ZNF136: variants seen among roughly 807,000 people sequenced by gnomAD.
ZNF136 encodes the protein zinc finger protein 136.
Under a neutral mutation model 11.4 loss-of-function variants are expected in ZNF136, and 8 were observed. That is an observed-to-expected ratio of 0.70 (90% CI 0.41 to 1.27). The LOEUF (loss-of-function observed/expected upper bound fraction) is 1.27. Among genes scored for constraint, ZNF136 ranks in the 50% most tolerant of loss-of-function variants. ZNF136 has a pLI of 0.01. For missense variants in ZNF136, 590 were observed against 656.5 expected (o/e 0.90, Z 1.11); for synonymous variants, 190 against 207.1 (o/e 0.92, Z 0.71).
intron 1 of ZNF136, among the ~76,000 whole-genome samples, chr19:12,177,123 A>G (rs1000726243): frequency 1.3e-5 from 2 of 152,216 alleles, no homozygotes; most frequent in African/African-American, 4.8e-5. Flanking sequence ...CACCATCAGT[A>G]TGATGTTATA....
chr19:12,166,496 G>C (rs532179251), intron 1 of ZNF136, among the ~76,000 whole-genome samples: 2 of 152,294 alleles, frequency 1.3e-5, no homozygotes, highest in African/African-American at 4.8e-5. Flanking sequence ...GAATTACAAA[G>C]ATTCACCAAA....
chr19:12,173,015 A>G (rs1291582279), intron 1 of ZNF136, among the ~76,000 whole-genome samples: 1 of 152,144 alleles, frequency 6.6e-6, no homozygotes, highest in Non-Finnish European at 1.5e-5. Flanking sequence ...CATCTCAAAA[A>G]AAAACAAAAA....
Position 12,187,990 on chromosome 19 carries a change from G to A in ZNF136, c.1612G>A (p.Glu538Lys). The stretch of plus-strand genomic sequence containing the variant: ...TGGACCACCTTATAAATGCATGTGG[G>A]AAAGCCTTTAATGCTCTGGGTTCAT... Reference protein sequence around the residue: ...EDGPPYKCMWESL With the variant: ...EDGPPYKCMWKSL Residue 538 changes from glutamate (E) to lysine (K), a missense_variant, in exon 4 of 4, where the codon GAA (glutamate) becomes AAA (lysine). By Grantham distance (56) the Glu-to-Lys change is moderately conservative. Coordinates refer to ENST00000343979, the MANE Select transcript of ZNF136 (RefSeq NM_003437.5). 1 of 1,524,668 alleles carries A rather than the reference G, an allele frequency of 6.6e-7. No homozygotes were observed. The highest frequency in any genetic ancestry group is 2.3e-5 in the East Asian group (1 of 44,264). The allele number at this position is 1,524,668 out of a possible 1,614,324, so 94.4% of individuals were successfully genotyped here.
At chr19:12,172,863 T>A (rs371357034) in intron 1 of ZNF136, among the ~76,000 whole-genome samples, 9 of 151,958 alleles carry the variant, frequency 5.9e-5, no homozygotes, top group Admixed American at 3.9e-4. Context: ...AATACAAAAA[T>A]GAGCTGGGTG....
At chr19:12,173,577 T>C (rs1261962821) in intron 1 of ZNF136, among the ~76,000 whole-genome samples, 1 of 152,212 alleles carries the variant, frequency 6.6e-6, no homozygotes, top group Non-Finnish European at 1.5e-5. Flanking sequence ...TTGTAGACTT[T>C]GCCCTATGCT....
At chr19:12,163,444 C>T (rs955582507) in intron 1 of ZNF136, among the ~76,000 whole-genome samples, 1 of 152,232 alleles carries the variant, frequency 6.6e-6, no homozygotes, top group Non-Finnish European at 1.5e-5. Context: ...CCCCGAAGAC[C>T]CAAGTCTCTT....
rs530506770 is a variant in ZNF136 at position 12,186,552 on chromosome 19, CCGT to C, written c.192-16_192-14del. 3 of 1,551,974 alleles carry C rather than the reference CCGT, an allele frequency of 1.9e-6. No homozygotes were observed. The highest frequency in any genetic ancestry group is 1.2e-5 in the South Asian group (1 of 83,640). On this transcript the variant is annotated splice_polypyrimidine_tract_variant and intron_variant, in intron 3 of 3. Coordinates refer to ENST00000343979, the MANE Select transcript of ZNF136 (RefSeq NM_003437.5). ...ATGATTAACAAATCCTTAGTAATGT[CCGT>C]CTCATTTTTTACAGAAGTCATATGT...
chr19:12,174,844 T>G (rs572155090), intron 1 of ZNF136, among the ~76,000 whole-genome samples: 1 of 140,318 alleles, frequency 7.1e-6, no homozygotes, highest in Non-Finnish European at 1.5e-5. Context: ...ACCATGTTAG[T>G]CAGGATGGCT....
At chr19:12,176,282 G>A (rs898314198) in intron 1 of ZNF136, among the ~76,000 whole-genome samples, 35 of 152,044 alleles carry the variant, frequency 2.3e-4, no homozygotes, top group African/African-American at 8.2e-4. Context: ...CCTATGATGA[G>A]GTTTGTGTAA....
chr19:12,175,302 C>T (rs1344261241), intron 1 of ZNF136, among the ~76,000 whole-genome samples: 1 of 151,944 alleles, frequency 6.6e-6, no homozygotes, highest in Non-Finnish European at 1.5e-5. Flanking sequence ...TGAAACGATT[C>T]TCCTGCCTCA....
rs910935041 is a variant in ZNF136, at chr19:12,163,116, G to C, written c.-88G>C. The C allele has an allele frequency of 5.9e-6, 8 of 1,352,396 alleles. No homozygotes were observed. The highest frequency in any genetic ancestry group is 7.7e-6 in the Non-Finnish European group (8 of 1,039,268). The allele number at this position is 1,352,396 out of a possible 1,614,324, so 83.8% of individuals were successfully genotyped here. On this transcript the variant is annotated 5_prime_UTR_variant, in exon 1 of 4. Coordinates refer to ENST00000343979, the MANE Select transcript of ZNF136 (RefSeq NM_003437.5). ...GCTTCGCTAGTCCCAGAGGCCCAGAGTGGCTCGCCTGGAGTCTCTGTGGCG... is the reference window on the plus strand; with the variant it reads ...GCTTCGCTAGTCCCAGAGGCCCAGACTGGCTCGCCTGGAGTCTCTGTGGCG...
chr19:12,181,871 G>A (rs768434718), intron 1 of ZNF136, among the ~76,000 whole-genome samples: 35 of 152,080 alleles, frequency 2.3e-4, no homozygotes, highest in Non-Finnish European at 3.4e-4. Flanking sequence ...TCCTGACCTC[G>A]CAATCCGCCT....
Position 12,182,235 on chromosome 19 carries a change from A to G in ZNF136, c.4-3550A>G, listed in dbSNP as rs147646109. Among the ~76,000 whole-genome samples, 33 of 152,374 alleles carry G rather than the reference A, an allele frequency of 2.2e-4. 1 individual carries two copies. The East Asian group carries it at 5.8e-3, about 27-fold the overall frequency. On this transcript the variant is annotated intron_variant, in intron 1 of 3. Coordinates refer to ENST00000343979, the MANE Select transcript of ZNF136 (RefSeq NM_003437.5). ...TAACCACCTGAAACTCCATTGTGAAAAAGCTTTGTGTCTCTCTTTTATCTT... is the reference window on the plus strand; with the variant it reads ...TAACCACCTGAAACTCCATTGTGAAGAAGCTTTGTGTCTCTCTTTTATCTT...
intron 1 of ZNF136, among the ~76,000 whole-genome samples, chr19:12,172,583 T>A (rs754738998): frequency 2.0e-5 from 3 of 152,248 alleles, no homozygotes; most frequent in Non-Finnish European, 2.9e-5. Flanking sequence ...ACTACCACTC[T>A]GTTCCTACCA....
At chr19:12,181,489 T>G (rs1914940960) in intron 1 of ZNF136, among the ~76,000 whole-genome samples, 1 of 152,012 alleles carries the variant, frequency 6.6e-6, no homozygotes, top group African/African-American at 2.4e-5. Context: ...GTTTTTTTTT[T>G]TTTGGTGGAG....
chr19:12,186,830 C>T lies in ZNF136; in HGVS notation c.452C>T (p.Ser151Phe). Reference sequence around the variant, plus strand: ...AACCAGTGTTGGAAACCCTTCAGTTCTCACCACTCCTTTCGAACACATGAG... The same window carrying T: ...AACCAGTGTTGGAAACCCTTCAGTTTTCACCACTCCTTTCGAACACATGAG... ...TRNQCWKPFS[S>F]HHSFRTHEII... The change falls in exon 4 of 4, where the codon TCT becomes TTT. Residue 151 changes from serine (S) to phenylalanine (F), a missense_variant. Ser to Phe is a radical substitution (Grantham distance 155, BLOSUM62 -2). Transcript: ENST00000343979. The T allele has an allele frequency of 6.2e-7, 1 of 1,614,116 alleles. No homozygotes were observed. Among genetic ancestry groups the T allele is most frequent in the Non-Finnish European group, 8.5e-7 (1 of 1,180,018 alleles).
chr19:12,179,232 T>C (rs1328936272), intron 1 of ZNF136, among the ~76,000 whole-genome samples: 1 of 152,038 alleles, frequency 6.6e-6, no homozygotes, highest in Non-Finnish European at 1.5e-5. Context: ...TAAAAAAAAG[T>C]CATCATAAAT....
chr19:12,177,888 G>A (rs1023096410), intron 1 of ZNF136, among the ~76,000 whole-genome samples: 2 of 152,088 alleles, frequency 1.3e-5, no homozygotes, highest in Non-Finnish European at 2.9e-5. Context: ...CAGGTGGATT[G>A]CCAGATCTCG....
rs776314715 is a variant in ZNF136 at position 12,185,927 on chromosome 19, T to G, written c.130+16T>G. On this transcript the variant is annotated intron_variant, in intron 2 of 3. Transcript: ENST00000343979. ...GCCTCTATAGGTAAGGATTGTATAC[T>G]TCCATCACTTAGCAATTAAAGAAGA... 9 of 1,611,282 alleles carry G rather than the reference T, an allele frequency of 5.6e-6. No individual in the cohort carries two copies. Among genetic ancestry groups the G allele is most frequent in the Non-Finnish European group, 6.8e-6 (8 of 1,179,384 alleles).
Sources: allele counts gnomAD v4.1 joint callset (sites outside exome capture counted in the v4.1 genomes callset), GRCh38; gene constraint gnomAD v4.1.1; transcripts MANE v1.5; gene names NCBI Gene and HGNC (gene_info 2026-07-23, HGNC 2026-07-21).